Variants in FABP12 observed in about 807,000 individuals in gnomAD.
FABP12 encodes fatty acid-binding protein 12.
In FABP12, 19 loss-of-function variants were observed where a neutral mutation model predicts 13.7. The observed-to-expected ratio is 1.39, with a 90% confidence interval of 0.97 to 2.04. FABP12 has a LOEUF of 2.04. FABP12 is among the 30% of genes most tolerant of loss of function. The probability of loss-of-function intolerance (pLI) is 0.00; values close to 1 mark genes in which losing one functional copy is unlikely to be tolerated. For synonymous variants in FABP12, 61 were observed against 57.0 expected (o/e 1.07, Z -0.32); for missense variants, 182 against 164.2 (o/e 1.11, Z -0.59).
chr8:81,570,947 C>T (rs139146811), intron 1 of FABP12, among the ~76,000 whole-genome samples: 3 of 152,030 alleles, frequency 2.0e-5, no homozygotes, highest in Non-Finnish European at 2.9e-5. Flanking sequence ...AGGGACCCAC[C>T]CCCTTCTGCC....
intron 1 of FABP12, among the ~76,000 whole-genome samples, chr8:81,562,772 G>T (rs1348411820): frequency 6.6e-6 from 1 of 152,114 alleles, no homozygotes; most frequent in Non-Finnish European, 1.5e-5. Context: ...GGACCACATA[G>T]ATTCCTAAGG....
At position 81,560,383 on chromosome 8, in the gene FABP12, T is replaced by C. The variant is rs539035257; in HGVS notation, c.-184-20640A>G. Among the ~76,000 whole-genome samples the C allele has an allele frequency of 3.3e-5, 5 of 152,340 alleles. No individual in the cohort carries two copies. In the South Asian group the frequency reaches 1.0e-3, roughly 32 times the overall value. On this transcript the variant is annotated intron_variant, in intron 1 of 5. Transcript: ENST00000692030. ...TCTAATTTACAAATTGAAGGAAAAA[T>C]TTAAATGCAACACCATCTTTAAATT...
chr8:81,560,334 C>T (rs752844175), intron 1 of FABP12, among the ~76,000 whole-genome samples: 1 of 152,172 alleles, frequency 6.6e-6, no homozygotes, highest in African/African-American at 2.4e-5. Context: ...CCTCTAAACT[C>T]AAGAGAAGAT....
At chr8:81,575,727 A>C (rs1810032447) in intron 1 of FABP12, among the ~76,000 whole-genome samples, 1 of 152,112 alleles carries the variant, frequency 6.6e-6, no homozygotes, top group Admixed American at 6.6e-5. Flanking sequence ...TGTCTCTTTT[A>C]ACTGCTGTTG....
exon 1 of FABP12, among the ~76,000 whole-genome samples, chr8:81,590,053 C>A (rs1218815425): frequency 6.6e-6 from 1 of 152,084 alleles, no homozygotes; most frequent in Non-Finnish European, 1.5e-5. Flanking sequence ...ATTGTCCTAC[C>A]TGAGAATTCC....
chr8:81,579,648 A>C (rs774181272), intron 1 of FABP12, among the ~76,000 whole-genome samples: 2 of 152,188 alleles, frequency 1.3e-5, no homozygotes, highest in South Asian at 2.1e-4. Flanking sequence ...ATGCCCTCAA[A>C]TATGTTAACA....
intron 3 of FABP12, 93 bp from the exon 4 acceptor site, chr8:81,527,214 AC>A: frequency 1.5e-6 from 1 of 660,060 alleles, no homozygotes; most frequent in East Asian, 2.8e-5. Flanking sequence ...CTGTTGTAAT[AC>A]TCTCAGGTAG....
rs140412973 is a variant in FABP12 at position 81,579,352 on chromosome 8, T to C, written c.-185+10701A>G. ...CTGACTAAAGAGGAGATATCCTCTT[T>C]AGATAAAACGACTGAAGACCCATTA... On this transcript the variant is annotated intron_variant, in intron 1 of 5. Transcript: ENST00000692030. Among the ~76,000 whole-genome samples, 697 of 152,254 alleles carry C rather than the reference T, an allele frequency of 4.6e-3. 9 individuals are homozygous for C. The highest frequency in any genetic ancestry group is 0.016 in the African/African-American group (665 of 41,548).
chr8:81,566,710 T>A (rs909029166), intron 1 of FABP12, among the ~76,000 whole-genome samples: 1 of 152,090 alleles, frequency 6.6e-6, no homozygotes, highest in Non-Finnish European at 1.5e-5. Context: ...TCATACTGAA[T>A]GGGAAAAAAC....
At chr8:81,544,126 G>A (rs1056478181) in intron 1 of FABP12, among the ~76,000 whole-genome samples, 4 of 152,114 alleles carry the variant, frequency 2.6e-5, no homozygotes, top group African/African-American at 9.7e-5. Flanking sequence ...ATCATATAAG[G>A]AGGCATCAGA....
At chr8:81,530,586 A>G (rs1418362949) in intron 2 of FABP12, among the ~76,000 whole-genome samples, 2 of 152,244 alleles carry the variant, frequency 1.3e-5, no homozygotes, top group East Asian at 3.8e-4. Flanking sequence ...ATCATAAAAC[A>G]CAATCACAGG....
intron 1 of FABP12, among the ~76,000 whole-genome samples, chr8:81,560,556 A>G (rs1809706221): frequency 6.6e-6 from 1 of 152,220 alleles, no homozygotes; most frequent in Admixed American, 6.5e-5. Flanking sequence ...AAAACACATT[A>G]GTGGATTGTA....
chr8:81,533,353 A>G (rs1809132649), intron 1 of FABP12: 1 of 152,070 alleles, frequency 6.6e-6, no homozygotes, highest in African/African-American at 2.4e-5. Flanking sequence ...ATCTTCACAT[A>G]TTTTGCCCAC....
chr8:81,553,306 G>C (rs1809552272), intron 1 of FABP12, among the ~76,000 whole-genome samples: 1 of 151,964 alleles, frequency 6.6e-6, no homozygotes, highest in African/African-American at 2.4e-5. Flanking sequence ...AAAATCCCTT[G>C]GTGTCTAAAA....
At chr8:81,546,373 G>T (rs1459447009) in intron 1 of FABP12, among the ~76,000 whole-genome samples, 1 of 152,090 alleles carries the variant, frequency 6.6e-6, no homozygotes, top group East Asian at 1.9e-4. Flanking sequence ...TTTCAAAATG[G>T]CTGGGCGCAG....
intron 1 of FABP12, among the ~76,000 whole-genome samples, chr8:81,556,093 T>G (rs927772135): frequency 1.3e-5 from 2 of 152,242 alleles, no homozygotes; most frequent in East Asian, 3.9e-4. Flanking sequence ...TTTCCAAAAT[T>G]TTTCACAATA....
intron 3 of FABP12, among the ~76,000 whole-genome samples, chr8:81,527,652 A>G (rs1052249338): frequency 3.9e-5 from 6 of 152,142 alleles, no homozygotes; most frequent in Non-Finnish European, 8.8e-5. Context: ...ATGAGCCACC[A>G]CACCCGGCCA....
At chr8:81,580,501 T>A (rs199806644) in intron 1 of FABP12, among the ~76,000 whole-genome samples, 15,810 of 152,156 alleles carry the variant, frequency 0.1, 1,074 homozygotes, top group East Asian at 0.26. Context: ...AACTACCTTA[T>A]CATTTCTACA....
At chr8:81,574,335 T>G (rs898927744) in intron 1 of FABP12, among the ~76,000 whole-genome samples, 2 of 152,184 alleles carry the variant, frequency 1.3e-5, no homozygotes, top group African/African-American at 2.4e-5. Flanking sequence ...CTTTTTGATA[T>G]GTTGTTGGAG....
Sources: gnomAD v4.1 joint callset for allele counts (sites outside exome capture counted in the v4.1 genomes callset) on GRCh38, gnomAD v4.1.1 for gene constraint, MANE v1.5 for transcripts, NCBI Gene and HGNC (gene_info 2026-07-23, HGNC 2026-07-21) for gene names.